Variants in DPP6 observed in about 807,000 individuals in gnomAD.
DPP6 encodes the protein dipeptidyl peptidase like 6, also known as A-type potassium channel modulatory protein DPP6.
A neutral mutation model predicts 122.6 loss-of-function variants in DPP6; 69 were observed. The ratio of observed to expected loss-of-function variants is 0.56; its 90% CI spans 0.46 to 0.69. The LOEUF (loss-of-function observed/expected upper bound fraction) is 0.69. Ranked by LOEUF, DPP6 falls within the 30% of genes least tolerant of loss-of-function variation. DPP6 has a pLI of 0.00. For synonymous variants in DPP6, 418 were observed against 433.1 expected (o/e 0.97, Z 0.43); for missense variants, 928 against 1,116.9 (o/e 0.83, Z 2.41).
the DPP6 span, among the ~76,000 whole-genome samples, chr7:153,852,343 T>C: frequency 6.6e-6 from 1 of 152,072 alleles, no homozygotes; most frequent in Non-Finnish European, 1.5e-5. Flanking sequence ...TCTGCTTGGC[T>C]TCTGGGGAGG....
intron 1 of DPP6, among the ~76,000 whole-genome samples, chr7:153,966,532 T>A (rs1275891409): frequency 8.8e-5 from 11 of 125,062 alleles, no homozygotes; most frequent in Non-Finnish European, 1.6e-4. Context: ...AGGAAGTAAT[T>A]AAACGGTCTG....
the DPP6 span, among the ~76,000 whole-genome samples, chr7:153,835,718 T>C: frequency 1.3e-5 from 2 of 152,170 alleles, no homozygotes; most frequent in Non-Finnish European, 2.9e-5. Context: ...AAGAATAAAA[T>C]TGTGCCAGAA....
At chr7:154,229,471 A>C (rs900692256) in intron 1 of DPP6, among the ~76,000 whole-genome samples, 6 of 152,190 alleles carry the variant, frequency 3.9e-5, no homozygotes, top group Admixed American at 3.9e-4. Context: ...TGAGATAGCT[A>C]TAGTGTTGGC....
intron 7 of DPP6, among the ~76,000 whole-genome samples, chr7:154,674,394 T>G: frequency 6.6e-6 from 1 of 152,196 alleles, no homozygotes; most frequent in East Asian, 1.9e-4. Context: ...TCTTGGCACA[T>G]GCACTTGGAG....
At chr7:154,377,383 C>T (rs751515142) in intron 1 of DPP6, among the ~76,000 whole-genome samples, 1 of 152,126 alleles carries the variant, frequency 6.6e-6, no homozygotes, top group Non-Finnish European at 1.5e-5. Context: ...GAGGCAGGAC[C>T]AGTATCGTAC....
chr7:154,076,169 G>C (rs1423770157), intron 1 of DPP6, among the ~76,000 whole-genome samples: 1 of 152,142 alleles, frequency 6.6e-6, no homozygotes, highest in Non-Finnish European at 1.5e-5. Context: ...TAAAAAAAAG[G>C]CTGGGCGCAG....
At chr7:154,034,476 C>T (rs190264642) in intron 1 of DPP6, among the ~76,000 whole-genome samples, 4 of 152,148 alleles carry the variant, frequency 2.6e-5, no homozygotes, top group African/African-American at 9.7e-5. Flanking sequence ...TGTTCTAGAG[C>T]TGTGGTCCCC....
intron 1 of DPP6, among the ~76,000 whole-genome samples, chr7:153,903,625 A>G (rs1460596931): frequency 6.6e-6 from 1 of 152,210 alleles, no homozygotes; most frequent in Non-Finnish European, 1.5e-5. Context: ...CTTATTCAAT[A>G]AAATCTTATT....
At chr7:154,829,535 G>T (rs1800462801) in intron 16 of DPP6, among the ~76,000 whole-genome samples, 1 of 150,708 alleles carries the variant, frequency 6.6e-6, no homozygotes, top group Admixed American at 6.6e-5. Flanking sequence ...GGGAGGAAGG[G>T]AAAAAGAGAA....
At chr7:154,528,348 G>A (rs1006811265) in intron 3 of DPP6, among the ~76,000 whole-genome samples, 6 of 152,102 alleles carry the variant, frequency 3.9e-5, no homozygotes, top group East Asian at 1.9e-4. Flanking sequence ...ATAAAATAAC[G>A]ATAATTGAAT....
chr7:154,795,371 C>T (rs3807269), intron 11 of DPP6, among the ~76,000 whole-genome samples: 123,373 of 152,178 alleles, frequency 0.81, 50,569 homozygotes, highest in African/African-American at 0.94. Flanking sequence ...CTGTGAGACC[C>T]ACTTTTCCTC....
intron 3 of DPP6, among the ~76,000 whole-genome samples, chr7:154,511,395 G>A (rs1826083233): frequency 6.6e-6 from 1 of 152,146 alleles, no homozygotes; most frequent in Non-Finnish European, 1.5e-5. Flanking sequence ...CTGGCTCTGG[G>A]GGCAAGGTGA....
chr7:154,871,940 C>A (rs1162361892), intron 18 of DPP6, among the ~76,000 whole-genome samples: 2 of 152,166 alleles, frequency 1.3e-5, no homozygotes, highest in African/African-American at 4.8e-5. Flanking sequence ...AGGTTTGGTT[C>A]CTACCCACTC....
At chr7:154,441,529 A>G (rs182898287) in intron 1 of DPP6, among the ~76,000 whole-genome samples, 1 of 152,272 alleles carries the variant, frequency 6.6e-6, no homozygotes, top group Admixed American at 6.5e-5. Context: ...TCTCATTTGA[A>G]TCTTCTCCTC....
intron 1 of DPP6, among the ~76,000 whole-genome samples, chr7:154,376,801 T>C (rs1813165926): frequency 6.6e-6 from 1 of 152,334 alleles, no homozygotes; most frequent in African/African-American, 2.4e-5. Context: ...CAATAGGCTG[T>C]AATCCTCTGT....
chr7:154,076,881 C>G (rs532925616), intron 1 of DPP6, among the ~76,000 whole-genome samples: 3 of 151,178 alleles, frequency 2.0e-5, no homozygotes, highest in Non-Finnish European at 2.9e-5. Flanking sequence ...AAACAGAAAC[C>G]GAAATAGGTC....
intron 3 of DPP6, among the ~76,000 whole-genome samples, chr7:154,525,499 A>G (rs1245749203): frequency 6.6e-6 from 1 of 152,182 alleles, no homozygotes; most frequent in African/African-American, 2.4e-5. Flanking sequence ...TTTCTCTTGT[A>G]CAGAAAATCT....
At chr7:154,464,214 C>G (rs952198161) in intron 2 of DPP6, among the ~76,000 whole-genome samples, 1 of 152,184 alleles carries the variant, frequency 6.6e-6, no homozygotes, top group Non-Finnish European at 1.5e-5. Flanking sequence ...TTCTGCCTAG[C>G]GTTGCTTTAC....
chr7:153,773,692 A>G, the DPP6 span, among the ~76,000 whole-genome samples: 2 of 151,730 alleles, frequency 1.3e-5, no homozygotes, highest in Non-Finnish European at 2.9e-5. Context: ...GAATTTGTGT[A>G]ATGAACAAAG....
Sources: gnomAD v4.1 joint callset for allele counts (sites outside exome capture counted in the v4.1 genomes callset) on GRCh38, gnomAD v4.1.1 for gene constraint, MANE v1.5 for transcripts, NCBI Gene and HGNC (gene_info 2026-07-23, HGNC 2026-07-21) for gene names.